DYRK1A: variants seen among roughly 807,000 people sequenced by gnomAD.
The protein encoded by DYRK1A is dual specificity tyrosine-phosphorylation-regulated kinase 1A.
DYRK1A carries 9 observed loss-of-function variants against 79.7 expected under a neutral mutation model. The ratio of observed to expected loss-of-function variants is 0.11; its 90% CI spans 0.07 to 0.20. The LOEUF (loss-of-function observed/expected upper bound fraction) is 0.20, where lower values mean the gene tolerates loss of function less well. DYRK1A is among the 10% of genes least tolerant of loss of function. DYRK1A has a pLI of 1.00. For missense variants in DYRK1A, 622 were observed against 956.0 expected (o/e 0.65, Z 4.61); for synonymous variants, 349 against 329.7 (o/e 1.06, Z -0.63).
chr21:37,443,048 G>A (rs751223428), intron 2 of DYRK1A, among the ~76,000 whole-genome samples: 19 of 152,040 alleles, frequency 1.2e-4, no homozygotes, highest in Non-Finnish European at 2.2e-4. Flanking sequence ...GTGTTGCCCA[G>A]GCTGGTCTCA....
chr21:37,473,085 A>C (rs776623267), intron 3 of DYRK1A, among the ~76,000 whole-genome samples: 1 of 152,148 alleles, frequency 6.6e-6, no homozygotes, highest in Non-Finnish European at 1.5e-5. Flanking sequence ...ACTCATAAAC[A>C]TAACCACAGT....
At chr21:37,420,909 C>CT (rs2050458301) in intron 2 of DYRK1A, among the ~76,000 whole-genome samples, 1 of 151,984 alleles carries the variant, frequency 6.6e-6, no homozygotes, top group South Asian at 2.1e-4. Context: ...CCCTCTTATC[C>CT]TTTTGTCATT....
chr21:37,431,687 AT>A (rs1234825860), intron 2 of DYRK1A, among the ~76,000 whole-genome samples: 1 of 152,136 alleles, frequency 6.6e-6, no homozygotes, highest in Non-Finnish European at 1.5e-5. Flanking sequence ...CATAATGTTC[AT>A]TTTTTTAAAA....
intron 9 of DYRK1A, among the ~76,000 whole-genome samples, chr21:37,497,583 G>C (rs2053311113): frequency 1.3e-5 from 2 of 152,126 alleles, no homozygotes; most frequent in South Asian, 4.1e-4. Flanking sequence ...TCTTTTTTAT[G>C]TTGTCTCTCT....
intron 1 of DYRK1A, among the ~76,000 whole-genome samples, chr21:37,411,373 C>G (rs530501405): frequency 6.8e-6 from 1 of 147,456 alleles, no homozygotes; most frequent in African/African-American, 2.5e-5. Flanking sequence ...ACCCCCTCCC[C>G]CCCAAAAAAT....
chr21:37,379,603 A>G (rs1602365696), intron 1 of DYRK1A, among the ~76,000 whole-genome samples: 1 of 152,232 alleles, frequency 6.6e-6, no homozygotes. Flanking sequence ...TTGCAGCACC[A>G]TTAAATATGA....
At chr21:37,459,391 G>A (rs542788672) in intron 2 of DYRK1A, among the ~76,000 whole-genome samples, 124 of 152,314 alleles carry the variant, frequency 8.1e-4, no homozygotes, top group Non-Finnish European at 1.5e-3. Flanking sequence ...TAAGTGGTTA[G>A]CATTTATATA....
At chr21:37,498,893 C>T (rs965482404) in intron 9 of DYRK1A, among the ~76,000 whole-genome samples, 2 of 152,142 alleles carry the variant, frequency 1.3e-5, no homozygotes, top group Non-Finnish European at 2.9e-5. Flanking sequence ...TGCATTTCTT[C>T]ATGGCTAATA....
At position 37,515,509 on chromosome 21, in the gene DYRK1A, C is replaced by G. The variant is rs913833170; in HGVS notation, c.*2978C>G. 3.3e-5 allele frequency: 5 copies of G among 152,106 alleles called. No individual in the cohort carries two copies. The highest frequency in any genetic ancestry group is 7.4e-5 in the Non-Finnish European group (5 of 68,024). The allele number at this position is 152,106 out of a possible 1,614,324, so 9.4% of individuals were successfully genotyped here. ...GATGGTTTTCTCTGATATGCTTTGA[C>G]GTGCTTGGATGAAGGAAGGAATACG... On this transcript the variant is annotated 3_prime_UTR_variant, in exon 12 of 12. Coordinates refer to ENST00000647188, the MANE Select transcript of DYRK1A (RefSeq NM_001347721.2).
At chr21:37,509,185 TG>T (rs2053683060) in intron 11 of DYRK1A, among the ~76,000 whole-genome samples, 1 of 152,256 alleles carries the variant, frequency 6.6e-6, no homozygotes, top group South Asian at 2.1e-4. Flanking sequence ...ATTAGTTTTT[TG>T]TATACTTTTT....
In DYRK1A at chr21:37,378,405, G is replaced by A. The variant is rs558227463; in HGVS notation, c.-77+10777G>A. 3.9e-5 allele frequency among the ~76,000 whole-genome samples: 6 copies of A among 152,312 alleles called. No homozygotes were observed. In the East Asian group the frequency reaches 9.6e-4, roughly 24 times the overall value. The stretch of plus-strand genomic sequence containing the variant: ...AAATCAGCCGGGTGTGGTGGTACAT[G>A]CCTGTAATCCCAGCTACTGGGGAGG... On this transcript the variant is annotated intron_variant, in intron 1 of 11. Coordinates refer to ENST00000647188, the MANE Select transcript of DYRK1A (RefSeq NM_001347721.2).
At chr21:37,444,075 C>T (rs780723089) in intron 2 of DYRK1A, among the ~76,000 whole-genome samples, 5 of 152,128 alleles carry the variant, frequency 3.3e-5, no homozygotes, top group Non-Finnish European at 5.9e-5. Flanking sequence ...GGTATGCCCC[C>T]GTTCCTTTCT....
At chr21:37,420,545 G>A (rs2050447558) in intron 2 of DYRK1A, among the ~76,000 whole-genome samples, 161 bp downstream of exon 2, 1 of 152,124 alleles carries the variant, frequency 6.6e-6, no homozygotes, top group African/African-American at 2.4e-5. Flanking sequence ...ACTTACTTTT[G>A]AACTCAGATT....
intron 2 of DYRK1A, among the ~76,000 whole-genome samples, chr21:37,429,882 T>G (rs760774251): frequency 6.6e-6 from 1 of 152,258 alleles, no homozygotes; most frequent in Non-Finnish European, 1.5e-5. Flanking sequence ...ATTTTCCGTT[T>G]TAAAATTCTT....
intron 11 of DYRK1A, among the ~76,000 whole-genome samples, chr21:37,507,871 A>G (rs1374122858): frequency 1.3e-5 from 2 of 152,164 alleles, no homozygotes. Context: ...CTTCTGACTT[A>G]GACTTCACTT....
At chr21:37,399,630 T>C (rs531376478) in intron 1 of DYRK1A, among the ~76,000 whole-genome samples, 2 of 152,320 alleles carry the variant, frequency 1.3e-5, no homozygotes, top group Non-Finnish European at 2.9e-5. Flanking sequence ...TCTAGACAGG[T>C]ACTACTGTTT....
At chr21:37,388,884 T>C (rs1355093805) in intron 1 of DYRK1A, among the ~76,000 whole-genome samples, 3 of 151,904 alleles carry the variant, frequency 2.0e-5, no homozygotes, top group African/African-American at 7.3e-5. Flanking sequence ...GACCTCGTGA[T>C]CCACCAGCCT....
At chr21:37,417,080 T>C (rs1028356158) in intron 1 of DYRK1A, among the ~76,000 whole-genome samples, 9 of 152,188 alleles carry the variant, frequency 5.9e-5, no homozygotes, top group African/African-American at 1.9e-4. Context: ...AGAGAACATA[T>C]TGCACCTGCC....
chr21:37,524,772 T>C lies in DYRK1A; in HGVS notation c.*12241T>C, dbSNP rs1216844474. On this transcript the variant is annotated 3_prime_UTR_variant, in exon 12 of 12. Coordinates refer to ENST00000647188, the MANE Select transcript of DYRK1A (RefSeq NM_001347721.2). ...GAATTGGCCTCTATCAATAGTCTTA[T>C]GTGGAACAACTACTGGCAAAAGTAT... 6.6e-6 allele frequency: 1 copy of C among 152,232 alleles called. No individual in the cohort carries two copies. Among genetic ancestry groups the C allele is most frequent in the Non-Finnish European group, 1.5e-5 (1 of 68,036 alleles). 9.4% of individuals were successfully genotyped at this position (152,232 alleles called of 1,614,324 possible).
Sources: gnomAD v4.1 joint callset for allele counts (sites outside exome capture counted in the v4.1 genomes callset) on GRCh38, gnomAD v4.1.1 for gene constraint, MANE v1.5 for transcripts, NCBI Gene and HGNC (gene_info 2026-07-23, HGNC 2026-07-21) for gene names.